GSK3B: variants seen among roughly 807,000 people sequenced by gnomAD.
GSK3B encodes glycogen synthase kinase-3 beta.
GSK3B carries 15 observed loss-of-function variants against 56.4 expected under a neutral mutation model. That is an observed-to-expected ratio of 0.27 (90% CI 0.18 to 0.41). The LOEUF (loss-of-function observed/expected upper bound fraction) is 0.41, where lower values mean the gene tolerates loss of function less well. Ranked by LOEUF, GSK3B falls within the 10% of genes least tolerant of loss-of-function variation. GSK3B has a pLI of 1.00. For missense variants in GSK3B, 300 were observed against 513.4 expected (o/e 0.58, Z 4.02); for synonymous variants, 181 against 188.9 (o/e 0.96, Z 0.34).
At chr3:119,962,417 A>G (rs559058293) in intron 2 of GSK3B, among the ~76,000 whole-genome samples, 5 of 151,912 alleles carry the variant, frequency 3.3e-5, no homozygotes, top group Non-Finnish European at 4.4e-5. Context: ...AAAAAAGCCT[A>G]TAACTAACAC....
chr3:119,970,228 T>C (rs1221604699), intron 2 of GSK3B, among the ~76,000 whole-genome samples: 3 of 152,202 alleles, frequency 2.0e-5, no homozygotes, highest in African/African-American at 7.2e-5. Context: ...TCTTGGAATG[T>C]ATCCTTCTCA....
intron 7 of GSK3B, among the ~76,000 whole-genome samples, chr3:119,889,879 G>C (rs891228442): frequency 6.6e-6 from 1 of 152,046 alleles, no homozygotes; most frequent in South Asian, 2.1e-4. Context: ...AAGAAAGATA[G>C]AGTGCCTATA....
intron 2 of GSK3B, among the ~76,000 whole-genome samples, chr3:119,964,675 C>T (rs1208354884): frequency 2.0e-5 from 3 of 152,136 alleles, no homozygotes; most frequent in African/African-American, 7.2e-5. Context: ...CAGAGATATG[C>T]TTTCCAACAT....
chr3:120,008,890 A>G (rs925097038), intron 1 of GSK3B, among the ~76,000 whole-genome samples: 4 of 151,588 alleles, frequency 2.6e-5, no homozygotes, highest in African/African-American at 4.8e-5. Flanking sequence ...GCTTCTTCAC[A>G]GCAAAAGAAA....
chr3:120,093,515 G>T lies in GSK3B; in HGVS notation c.-81C>A. On this transcript the variant is annotated 5_prime_UTR_variant, in exon 1 of 11. An upstream open reading frame in the 5' UTR gains an earlier in-frame stop. Transcript: ENST00000264235. ...CTTTATGTTGGGGTGTTAGGTTAACGATAAATGCAGCATTAAGTTCTCCCA... is the reference window on the plus strand; with the variant it reads ...CTTTATGTTGGGGTGTTAGGTTAACTATAAATGCAGCATTAAGTTCTCCCA... 1 of 871,436 alleles carries T rather than the reference G, an allele frequency of 1.1e-6. No individual in the cohort carries two copies. The highest frequency in any genetic ancestry group is 1.9e-6 in the Non-Finnish European group (1 of 518,312). The allele number at this position is 871,436 out of a possible 1,614,324, so 54.0% of individuals were successfully genotyped here.
chr3:120,039,753 TA>T (rs904272108), intron 1 of GSK3B, among the ~76,000 whole-genome samples: 2 of 152,158 alleles, frequency 1.3e-5, no homozygotes, highest in African/African-American at 4.8e-5. Context: ...GCATTAGAGA[TA>T]AAAACCCCTT....
At chr3:119,889,449 C>T (rs759383427) in intron 7 of GSK3B, among the ~76,000 whole-genome samples, 19 of 152,108 alleles carry the variant, frequency 1.2e-4, no homozygotes, top group Non-Finnish European at 1.8e-4. Flanking sequence ...TACTGTCACA[C>T]GGTTCTTGTT....
At chr3:119,930,999 C>T (rs1349798197) in intron 3 of GSK3B, among the ~76,000 whole-genome samples, 3 of 152,184 alleles carry the variant, frequency 2.0e-5, no homozygotes, top group South Asian at 4.1e-4. Flanking sequence ...CCAAAAAATG[C>T]TCTTGTTAAA....
At chr3:120,020,382 A>AAGGTTTAT (rs534118001) in intron 1 of GSK3B, among the ~76,000 whole-genome samples, 81 of 152,316 alleles carry the variant, frequency 5.3e-4, no homozygotes, top group South Asian at 4.4e-3. Flanking sequence ...TTACAAATTG[A>AAGGTTTAT]AGGTTTATAG....
intron 7 of GSK3B, among the ~76,000 whole-genome samples, chr3:119,893,081 C>T (rs1485128583): frequency 6.6e-6 from 1 of 152,042 alleles, no homozygotes; most frequent in Non-Finnish European, 1.5e-5. Flanking sequence ...AATCTTGGCT[C>T]ACTGCAACCT....
chr3:119,913,918 A>G (rs909112077), intron 5 of GSK3B, among the ~76,000 whole-genome samples: 1 of 152,130 alleles, frequency 6.6e-6, no homozygotes, highest in South Asian at 2.1e-4. Context: ...TATGACATTT[A>G]GTTTTCAGCA....
At chr3:120,037,076 T>C (rs1167512231) in intron 1 of GSK3B, among the ~76,000 whole-genome samples, 1 of 152,222 alleles carries the variant, frequency 6.6e-6, no homozygotes, top group Non-Finnish European at 1.5e-5. Context: ...TCTTGTTTCC[T>C]AACACAAAGA....
Position 119,825,331 on chromosome 3 carries a change from A to C in GSK3B, c.*1457T>G, listed in dbSNP as rs2055486833. 4.3e-6 allele frequency: 1 copy of C among 229,960 alleles called. No homozygotes were observed. The highest frequency in any genetic ancestry group is 2.2e-5 in the African/African-American group (1 of 45,142). The allele number at this position is 229,960 out of a possible 1,614,324, so 14.2% of individuals were successfully genotyped here. A position where few individuals can be genotyped will look rare whatever the true frequency, so the allele number is the denominator to read the frequency against. On this transcript the variant is annotated 3_prime_UTR_variant, in exon 11 of 11. Transcript: ENST00000264235. ...GTCCTTCAATTCTCCTTGCTTTCCAAGGAATATTGCTTTTTCTTCAAAAAG... is the reference window on the plus strand; with the variant it reads ...GTCCTTCAATTCTCCTTGCTTTCCACGGAATATTGCTTTTTCTTCAAAAAG...
At chr3:119,987,765 G>A (rs1454604917) in intron 2 of GSK3B, among the ~76,000 whole-genome samples, 1 of 152,076 alleles carries the variant, frequency 6.6e-6, no homozygotes, top group African/African-American at 2.4e-5. Flanking sequence ...CACACTAATA[G>A]AAAGGTGAAA....
At position 119,843,888 on chromosome 3, in the gene GSK3B, A is replaced by G. The variant is rs139388898; in HGVS notation, c.1097-535T>C. On this transcript the variant is annotated intron_variant, in intron 9 of 10. Coordinates refer to ENST00000264235, the MANE Select transcript of GSK3B (RefSeq NM_001146156.2). ...GAACATACATTCTTCTCAGCACCAC[A>G]CTGCACTTACTCTAAAATCGACCAC... Among the ~76,000 whole-genome samples the G allele has an allele frequency of 4.0e-4, 61 of 152,214 alleles. No individual in the cohort carries two copies. The East Asian group carries it at 7.9e-3, about 20-fold the overall frequency.
chr3:119,970,691 G>A (rs2057357472), intron 2 of GSK3B, among the ~76,000 whole-genome samples: 2 of 151,856 alleles, frequency 1.3e-5, no homozygotes, highest in Non-Finnish European at 2.9e-5. Flanking sequence ...GGAGGCTGAG[G>A]CAGGAGAATC....
At chr3:120,044,178 C>T (rs566837010) in intron 1 of GSK3B, among the ~76,000 whole-genome samples, 1 of 152,334 alleles carries the variant, frequency 6.6e-6, no homozygotes, top group East Asian at 1.9e-4. Flanking sequence ...CCTGCTCTAT[C>T]CCAAAGTCCA....
intron 1 of GSK3B, among the ~76,000 whole-genome samples, chr3:120,007,297 C>T (rs1482437979): frequency 6.6e-6 from 1 of 152,106 alleles, no homozygotes; most frequent in East Asian, 1.9e-4. Context: ...AAGTCCAGGA[C>T]CAGACAAATT....
At chr3:119,976,748 C>T (rs2057411390) in intron 2 of GSK3B, among the ~76,000 whole-genome samples, 1 of 129,130 alleles carries the variant, frequency 7.7e-6, no homozygotes, top group South Asian at 2.4e-4. Context: ...ATATATCAAG[C>T]AGCTGACCAC....
Sources: gnomAD v4.1 joint callset for allele counts (sites outside exome capture counted in the v4.1 genomes callset) on GRCh38, gnomAD v4.1.1 for gene constraint, MANE v1.5 for transcripts, NCBI Gene and HGNC (gene_info 2026-07-23, HGNC 2026-07-21) for gene names.